Variants in NRG1 observed in about 807,000 individuals in gnomAD.
NRG1 encodes neuregulin 1, also known as pro-neuregulin-1, membrane-bound isoform.
A neutral mutation model predicts 63.8 loss-of-function variants in NRG1; 18 were observed. The observed-to-expected ratio is 0.28, with a 90% CI of 0.19 to 0.42. NRG1 has a LOEUF of 0.42. Among genes scored for constraint, NRG1 ranks in the 10% least tolerant of loss-of-function variants. NRG1 has a pLI of 1.00. For synonymous variants in NRG1, 302 were observed against 301.3 expected, an observed-to-expected ratio of 1.00 and a Z score of -0.02; for missense variants, 762 against 814.7, an observed-to-expected ratio of 0.94 and a Z score of 0.79.
At chr8:32,307,861 CTG>C (rs35081860) in intron 1 of NRG1, among the ~76,000 whole-genome samples, 44,608 of 151,972 alleles carry the variant, frequency 0.29, 7,558 homozygotes, top group South Asian at 0.44. Context: ...CCTCCCTAGA[CTG>C]TCTCTAATAC....
At chr8:32,451,973 G>C (rs1290142343) in intron 1 of NRG1, among the ~76,000 whole-genome samples, 1 of 151,986 alleles carries the variant, frequency 6.6e-6, no homozygotes, top group Non-Finnish European at 1.5e-5. Flanking sequence ...TCACAGGCTC[G>C]TGCTACCACG....
intron 1 of NRG1, among the ~76,000 whole-genome samples, chr8:32,093,142 C>A (rs1829424560): frequency 6.6e-6 from 1 of 152,146 alleles, no homozygotes; most frequent in African/African-American, 2.4e-5. Flanking sequence ...AAGAAAAATT[C>A]TTCTGCCTTG....
intron 1 of NRG1, among the ~76,000 whole-genome samples, chr8:31,732,724 A>G (rs1251309424): frequency 6.6e-6 from 1 of 152,024 alleles, no homozygotes; most frequent in Non-Finnish European, 1.5e-5. Flanking sequence ...GTGAAACTCC[A>G]TCTCTACTAA....
At chr8:31,644,834 C>G (rs1457166089) in intron 1 of NRG1, among the ~76,000 whole-genome samples, 1 of 151,916 alleles carries the variant, frequency 6.6e-6, no homozygotes, top group East Asian at 1.9e-4. Context: ...AATACTTAGC[C>G]TTTTATTTGT....
At chr8:31,937,005 T>C (rs1199209036) in intron 1 of NRG1, among the ~76,000 whole-genome samples, 1 of 152,248 alleles carries the variant, frequency 6.6e-6, no homozygotes, top group Non-Finnish European at 1.5e-5. Flanking sequence ...TTGGGAAGAC[T>C]TCTTACTCAG....
In NRG1 at chr8:32,711,421, C is replaced by CA. The variant is rs1390692323; in HGVS notation, c.503-16521dup. ...ATTTTATCTGCATTCATTTCTTCTCCAAAAAAAGGGAACCAGGAAGAAGAG... is the reference window on the plus strand; with the variant it reads ...ATTTTATCTGCATTCATTTCTTCTCCAAAAAAAAGGGAACCAGGAAGAAGAG... On this transcript the variant is annotated intron_variant, in intron 5 of 11. Transcript: ENST00000356819. 3.3e-5 allele frequency among the ~76,000 whole-genome samples: 5 copies of CA among 151,628 alleles called. No homozygotes were observed. In the East Asian group the frequency reaches 9.7e-4, roughly 29 times the overall value.
intron 1 of NRG1, among the ~76,000 whole-genome samples, chr8:31,825,831 T>G (rs574144859): frequency 6.6e-6 from 1 of 152,344 alleles, no homozygotes; most frequent in African/African-American, 2.4e-5. Context: ...AACAAATGCC[T>G]ATTGAGTGTC....
intron 1 of NRG1, among the ~76,000 whole-genome samples, chr8:31,829,377 C>T (rs1277935037): frequency 6.6e-6 from 1 of 152,154 alleles, no homozygotes; most frequent in African/African-American, 2.4e-5. Context: ...ATTCATTTAA[C>T]AAAAGTTATT....
intron 1 of NRG1, among the ~76,000 whole-genome samples, chr8:32,535,752 A>G (rs1005929989): frequency 6.6e-6 from 1 of 152,164 alleles, no homozygotes; most frequent in African/African-American, 2.4e-5. Context: ...AAAAATTAGA[A>G]TTTTATACCC....
chr8:32,302,793 G>T (rs1159487273), intron 1 of NRG1, among the ~76,000 whole-genome samples: 2 of 139,960 alleles, frequency 1.4e-5, no homozygotes, highest in African/African-American at 2.7e-5. Context: ...ATTTTATAAT[G>T]CATCCTTCTG....
At chr8:32,699,018 T>C (rs1207489040) in intron 5 of NRG1, among the ~76,000 whole-genome samples, 1 of 152,186 alleles carries the variant, frequency 6.6e-6, no homozygotes, top group African/African-American at 2.4e-5. Context: ...AATTCACAAG[T>C]GCCATTATAA....
At chr8:32,295,132 A>T (rs914437924) in intron 1 of NRG1, among the ~76,000 whole-genome samples, 4 of 152,150 alleles carry the variant, frequency 2.6e-5, no homozygotes, top group South Asian at 2.1e-4. Context: ...TTATTTAGGG[A>T]TAGTATAGTT....
intron 7 of NRG1, 63 bp from the exon 8 acceptor site, chr8:32,754,309 G>T: frequency 7.1e-7 from 1 of 1,414,112 alleles, no homozygotes; most frequent in Non-Finnish European, 9.9e-7. Context: ...CCACTGTTTG[G>T]TTGTAGTCAG....
chr8:32,156,433 TCTC>T (rs766674907), intron 1 of NRG1, among the ~76,000 whole-genome samples: 31 of 152,356 alleles, frequency 2.0e-4, no homozygotes, highest in Non-Finnish European at 3.5e-4. Flanking sequence ...TTTGCTTTCT[TCTC>T]CTTCACCAGA....
At chr8:32,038,861 A>C (rs550425484) in intron 1 of NRG1, among the ~76,000 whole-genome samples, 1 of 152,270 alleles carries the variant, frequency 6.6e-6, no homozygotes, top group African/African-American at 2.4e-5. Context: ...CTTGCGTGAA[A>C]GAGGAATGCT....
intron 1 of NRG1, among the ~76,000 whole-genome samples, chr8:32,445,128 C>A (rs1820081970): frequency 6.6e-6 from 1 of 152,116 alleles, no homozygotes; most frequent in Non-Finnish European, 1.5e-5. Flanking sequence ...CTTGCAGATA[C>A]CAAAATCCAC....
intron 1 of NRG1, among the ~76,000 whole-genome samples, chr8:32,384,518 A>G (rs1810739517): frequency 6.6e-6 from 1 of 152,200 alleles, no homozygotes; most frequent in South Asian, 2.1e-4. Flanking sequence ...TGGAGTACTG[A>G]TTAACATCAT....
exon 12 of NRG1, chr8:32,763,769 C>T (rs767233208): frequency 6.4e-7 from 1 of 1,560,654 alleles, no homozygotes; most frequent in South Asian, 1.2e-5. Flanking sequence ...CCATGACCAC[C>T]CCGGCTCGTA....
In NRG1 at chr8:31,856,442, G is replaced by A. The variant is rs537307958; in HGVS notation, c.37+217011G>A. On this transcript the variant is annotated intron_variant, in intron 1 of 10. Coordinates refer to the NRG1 transcript ENST00000519301. ...CTTCTGCATTCTTCACGTAGTTCTCGAGCCTTGGTTTTTAGCTCCATCAGC... is the reference window on the plus strand; with the variant it reads ...CTTCTGCATTCTTCACGTAGTTCTCAAGCCTTGGTTTTTAGCTCCATCAGC... Among the ~76,000 whole-genome samples, 83 of 152,112 alleles carry A rather than the reference G, an allele frequency of 5.5e-4. 1 individual carries two copies. In the South Asian group the frequency reaches 9.1e-3, roughly 17 times the overall value.
Sources: allele counts gnomAD v4.1 joint callset (sites outside exome capture counted in the v4.1 genomes callset), GRCh38; gene constraint gnomAD v4.1.1; transcripts MANE v1.5; gene names NCBI Gene and HGNC (gene_info 2026-07-23, HGNC 2026-07-21).